Variants in IL1RAP observed in about 807,000 individuals in gnomAD.
IL1RAP encodes the protein interleukin-1 receptor accessory protein.
A neutral mutation model predicts 60.7 loss-of-function variants in IL1RAP; 35 were observed. The ratio of observed to expected loss-of-function variants is 0.58; its 90% confidence interval spans 0.44 to 0.76. The LOEUF is 0.76. Among genes scored for constraint, IL1RAP ranks in the 30% least tolerant of loss-of-function variants. The pLI, the probability that IL1RAP is intolerant of heterozygous loss-of-function variation, is 0.00. For missense variants in IL1RAP, 572 were observed against 693.9 expected (o/e 0.82, Z 1.97); for synonymous variants, 268 against 250.9 (o/e 1.07, Z -0.64).
At chr3:190,528,869 T>C (rs1722730914) in intron 1 of IL1RAP, among the ~76,000 whole-genome samples, 1 of 152,188 alleles carries the variant, frequency 6.6e-6, no homozygotes, top group African/African-American at 2.4e-5. Context: ...GGAGAAGTGG[T>C]AAATGAATTA....
At chr3:190,567,294 T>C (rs1726499263) in intron 3 of IL1RAP, among the ~76,000 whole-genome samples, 1 of 152,194 alleles carries the variant, frequency 6.6e-6, no homozygotes, top group Non-Finnish European at 1.5e-5. Context: ...TTTATTTCCC[T>C]TTAAGGAATT....
chr3:190,551,266 G>A (rs1724839769), intron 1 of IL1RAP, among the ~76,000 whole-genome samples: 1 of 152,196 alleles, frequency 6.6e-6, no homozygotes, highest in Non-Finnish European at 1.5e-5. Context: ...CCTTAAAGGG[G>A]AGCATATTCT....
chr3:190,652,663 C>T (rs1734455844), downstream of IL1RAP, among the ~76,000 whole-genome samples: 1 of 152,114 alleles, frequency 6.6e-6, no homozygotes, highest in Non-Finnish European at 1.5e-5. Context: ...CAGAGTTCGA[C>T]ACTAATGGAA....
At chr3:190,598,259 T>G (rs544222672) in intron 3 of IL1RAP, among the ~76,000 whole-genome samples, 4 of 152,346 alleles carry the variant, frequency 2.6e-5, no homozygotes, top group Non-Finnish European at 4.4e-5. Context: ...TCTTATTTTA[T>G]CTAGACAACA....
At chr3:190,603,583 A>G (rs1365113440) in intron 3 of IL1RAP, among the ~76,000 whole-genome samples, 2 of 152,204 alleles carry the variant, frequency 1.3e-5, no homozygotes, top group Non-Finnish European at 2.9e-5. Context: ...TATTTTGGAT[A>G]TATTGGGTTT....
chr3:190,564,490 A>G, intron 3 of IL1RAP, 137 bp downstream of exon 3: 1 of 674,038 alleles, frequency 1.5e-6, no homozygotes, highest in Non-Finnish European at 2.7e-6. Context: ...AATAATCATA[A>G]AGCAGAATAA....
chr3:190,648,483 C>G lies in IL1RAP; in HGVS notation c.1491C>G (p.Asn497Lys), dbSNP rs765787782. The G allele has an allele frequency of 1.9e-6, 3 of 1,613,930 alleles. No individual in the cohort carries two copies. Among genetic ancestry groups the G allele is most frequent in the Non-Finnish European group, 2.5e-6 (3 of 1,180,006 alleles). ...ATATGGCCTCTCGGGGCAACATCAACGTCATTTTAGTACAGTACAAAGCTG... is the reference window on the plus strand; with the variant it reads ...ATATGGCCTCTCGGGGCAACATCAAGGTCATTTTAGTACAGTACAAAGCTG... The part of the protein sequence containing the change: ...LENMASRGNI[N>K]VILVQYKAVK... Residue 497 changes from asparagine (N) to lysine (K), a missense_variant, in exon 12 of 12, where the codon AAC becomes AAG. Transcript: ENST00000447382.
At chr3:190,595,478 T>C (rs2193872) in intron 3 of IL1RAP, among the ~76,000 whole-genome samples, 136,581 of 152,234 alleles carry the variant, frequency 0.9, 61,516 homozygotes, top group East Asian at 1. Context: ...AGTTTGCTCT[T>C]ACCTTCAGTT....
intron 1 of IL1RAP, among the ~76,000 whole-genome samples, chr3:190,515,243 T>TTTTTTCC (rs1282451842): frequency 7.9e-6 from 1 of 127,362 alleles, no homozygotes. Flanking sequence ...CTTTTTTTTT[T>TTTTTTCC]TTCCAGCCAA....
Position 190,648,414 on chromosome 3 carries a change from C to G in IL1RAP, c.1422C>G (p.Leu474=). 1 of 1,614,038 alleles carries G rather than the reference C, an allele frequency of 6.2e-7. No individual in the cohort carries two copies. The highest frequency in any genetic ancestry group is 2.2e-5 in the East Asian group (1 of 44,868). ...LLVVLSPNYV[L]QGTQALLELK... ...TTGTTCTAAGCCCCAACTACGTGCT[C>G]CAGGGAACCCAAGCCCTCCTGGAGC... is the stretch of plus-strand genomic sequence containing the variant. Residue 474 remains leucine, a synonymous_variant, in exon 12 of 12, where the codon CTC becomes CTG. Coordinates refer to ENST00000447382, the MANE Select transcript of IL1RAP (RefSeq NM_002182.4).
intron 4 of IL1RAP, among the ~76,000 whole-genome samples, chr3:190,607,286 T>TA (rs1159368806): frequency 6.6e-6 from 1 of 152,204 alleles, no homozygotes; most frequent in Non-Finnish European, 1.5e-5. Context: ...CCCATCACTG[T>TA]AAAAAATTAG....
At chr3:190,587,896 A>G (rs924227600) in intron 3 of IL1RAP, among the ~76,000 whole-genome samples, 1 of 152,168 alleles carries the variant, frequency 6.6e-6, no homozygotes, top group Non-Finnish European at 1.5e-5. Context: ...TCAAACCCCA[A>G]AATGGGGCAA....
At position 190,543,399 on chromosome 3, in the gene IL1RAP, G is replaced by A. The variant is rs961149719; in HGVS notation, c.-88-12731G>A. Among the ~76,000 whole-genome samples the A allele has an allele frequency of 2.0e-5, 3 of 152,242 alleles. No homozygotes were observed. In the South Asian group the frequency reaches 6.2e-4, roughly 32 times the overall value. On this transcript the variant is annotated intron_variant, in intron 1 of 11. Transcript: ENST00000447382. Reference sequence around the variant, plus strand: ...ATGCCAGGCTTCAATGCTAGACCCTGGGAGTCAAAAATGAATCAGAAGTGG... The same window carrying A: ...ATGCCAGGCTTCAATGCTAGACCCTAGGAGTCAAAAATGAATCAGAAGTGG...
At chr3:190,636,575 T>G (rs1733244499) in intron 9 of IL1RAP, among the ~76,000 whole-genome samples, 1 of 152,020 alleles carries the variant, frequency 6.6e-6, no homozygotes, top group South Asian at 2.1e-4. Context: ...GGAGTCTTGC[T>G]CTGTCGCCCA....
intron 3 of IL1RAP, among the ~76,000 whole-genome samples, chr3:190,573,168 A>G (rs1355320164): frequency 6.6e-6 from 1 of 152,112 alleles, no homozygotes; most frequent in Non-Finnish European, 1.5e-5. Context: ...TAATCAGGAT[A>G]CTTTTATTCT....
At chr3:190,604,835 T>A (rs73060195) in intron 4 of IL1RAP, among the ~76,000 whole-genome samples, 11,556 of 152,216 alleles carry the variant, frequency 0.076, 824 homozygotes, top group African/African-American at 0.19. Context: ...TCAGGTGCAT[T>A]GTGTGATGCA....
At chr3:190,529,946 C>T (rs764518743) in intron 1 of IL1RAP, among the ~76,000 whole-genome samples, 11 of 151,786 alleles carry the variant, frequency 7.2e-5, no homozygotes, top group Non-Finnish European at 1.5e-4. Flanking sequence ...TCAGCAACAA[C>T]GTATGTGAGT....
intron 1 of IL1RAP, among the ~76,000 whole-genome samples, chr3:190,542,578 G>A (rs1340689826): frequency 2.0e-5 from 3 of 152,044 alleles, no homozygotes; most frequent in Non-Finnish European, 4.4e-5. Context: ...TATTCTCAAG[G>A]TTAATTTTTC....
chr3:190,520,415 G>T (rs988559235), intron 1 of IL1RAP: 1 of 152,062 alleles, frequency 6.6e-6, no homozygotes, highest in Non-Finnish European at 1.5e-5. Flanking sequence ...CAATGATAAG[G>T]AGTCATAGGC....
Sources: allele counts gnomAD v4.1 joint callset (sites outside exome capture counted in the v4.1 genomes callset), GRCh38; gene constraint gnomAD v4.1.1; transcripts MANE v1.5; gene names NCBI Gene and HGNC (gene_info 2026-07-23, HGNC 2026-07-21).